Variants in CDH4 observed in about 807,000 individuals in gnomAD.
CDH4 encodes the protein cadherin-4.
Under a neutral mutation model 86.0 loss-of-function variants are expected in CDH4, and 33 were observed. The ratio of observed to expected loss-of-function variants is 0.38; its 90% CI spans 0.29 to 0.51. The LOEUF (loss-of-function observed/expected upper bound fraction) is 0.51, where lower values mean the gene tolerates loss of function less well. CDH4 is among the 20% of genes least tolerant of loss of function. The pLI is 0.86. For synonymous variants in CDH4, 555 were observed against 549.4 expected, an observed-to-expected ratio of 1.01 and a Z score of -0.14; for missense variants, 1,114 against 1,307.4, an observed-to-expected ratio of 0.85 and a Z score of 2.28.
rs1368486995 is a variant in CDH4 at position 61,508,757 on chromosome 20, T to C, written c.170-234806T>C. Among the ~76,000 whole-genome samples, 3 of 152,242 alleles carry C rather than the reference T, an allele frequency of 2.0e-5. No individual in the cohort carries two copies. In the East Asian group the frequency reaches 5.8e-4, roughly 29 times the overall value. On this transcript the variant is annotated intron_variant, in intron 2 of 15. Transcript: ENST00000614565. ...GGTGGCCACCGGGATTTGAGCAGTTTCTTCAGCTGCTCTTGAGCAGCACAG... is the reference window on the plus strand; with the variant it reads ...GGTGGCCACCGGGATTTGAGCAGTTCCTTCAGCTGCTCTTGAGCAGCACAG...
At position 61,544,058 on chromosome 20, in the gene CDH4, C is replaced by G. The variant is rs1033043017; in HGVS notation, c.170-199505C>G. Among the ~76,000 whole-genome samples, 6 of 152,128 alleles carry G rather than the reference C, an allele frequency of 3.9e-5. No individual in the cohort carries two copies. Among genetic ancestry groups the G allele is most frequent in the African/African-American group, 1.4e-4 (6 of 41,426 alleles). ...CCCACACCCCCGGCCCCACACCTGGCTCTTGGCACTAAGGTCCTTGGAGGC... is the reference window on the plus strand; with the variant it reads ...CCCACACCCCCGGCCCCACACCTGGGTCTTGGCACTAAGGTCCTTGGAGGC... On this transcript the variant is annotated intron_variant, in intron 2 of 15. Coordinates refer to ENST00000614565, the MANE Select transcript of CDH4 (RefSeq NM_001794.5). The surrounding 1 kb of genome is among the most constrained non-coding windows in gnomAD (Gnocchi z 6.5).
intron 9 of CDH4, among the ~76,000 whole-genome samples, chr20:61,920,666 C>CTGCATGGAAGCGTGGTGTCGTGATGAT (rs2054968398): frequency 8.5e-6 from 1 of 117,000 alleles, no homozygotes; most frequent in East Asian, 2.6e-4. Context: ...GTCACAGTGA[C>CTGCATGGAAGCGTGGTGTCGTGATGAT]TGCATGGAAG....
chr20:61,437,430 T>C (rs1214578514), intron 2 of CDH4: 2 of 152,224 alleles, frequency 1.3e-5, no homozygotes, highest in Non-Finnish European at 2.9e-5. Context: ...AAAAACGCGG[T>C]GACTAGCCAA....
At chr20:61,423,763 C>T (rs140611477) in intron 2 of CDH4, among the ~76,000 whole-genome samples, 2 of 152,142 alleles carry the variant, frequency 1.3e-5, no homozygotes, top group Non-Finnish European at 2.9e-5. Context: ...TAATGAAAGG[C>T]GTCTTGCCTC....
intron 2 of CDH4, among the ~76,000 whole-genome samples, chr20:61,485,376 C>T (rs1280690150): frequency 6.6e-6 from 1 of 152,180 alleles, no homozygotes; most frequent in African/African-American, 2.4e-5. Context: ...GAAAGCATCC[C>T]TGCGGAGGAG....
chr20:61,879,842 G>A lies in CDH4; in HGVS notation c.1050+5942G>A, dbSNP rs1296753599. On this transcript the variant is annotated intron_variant, in intron 7 of 15. Transcript: ENST00000614565. The surrounding 1 kb of genome is among the most constrained non-coding windows in gnomAD (Gnocchi z 4.1). ...TCCCTTCCAGGCTGCTCCCGAGGAT[G>A]TTGATTTTGTTATTAGAAACTGAAT... Among the ~76,000 whole-genome samples the A allele has an allele frequency of 6.6e-6, 1 of 152,184 alleles. No homozygotes were observed. Among genetic ancestry groups the A allele is most frequent in the Non-Finnish European group, 1.5e-5 (1 of 68,042 alleles).
At chr20:61,263,043 T>C (rs6028083) in intron 2 of CDH4, among the ~76,000 whole-genome samples, 85,001 of 151,548 alleles carry the variant, frequency 0.56, 24,518 homozygotes, top group East Asian at 0.72. Context: ...TTTGAAGAAG[T>C]AATTTCTCCT....
At chr20:61,619,097 T>C (rs965620059) in intron 2 of CDH4, among the ~76,000 whole-genome samples, 11 of 152,186 alleles carry the variant, frequency 7.2e-5, no homozygotes, top group Admixed American at 2.0e-4. Context: ...CCAGCTGCAG[T>C]TGCACACCTA....
In CDH4 at chr20:61,296,143, G is replaced by A. The variant is rs117186249; in HGVS notation, c.169+41206G>A. Among the ~76,000 whole-genome samples, 50 of 152,254 alleles carry A rather than the reference G, an allele frequency of 3.3e-4. 1 individual carries two copies. The East Asian group carries it at 7.0e-3, about 21-fold the overall frequency. ...GATGATCCACACCACATCAAGGGTT[G>A]GATGTGCTGGAACTTTAGAGTTGTC... On this transcript the variant is annotated intron_variant, in intron 2 of 15. Transcript: ENST00000614565.
intron 2 of CDH4, among the ~76,000 whole-genome samples, chr20:61,391,287 G>A (rs1024877132): frequency 6.6e-6 from 1 of 152,158 alleles, no homozygotes; most frequent in Non-Finnish European, 1.5e-5. Context: ...GTATTGAGGG[G>A]CCTGGAAGCC....
chr20:61,585,728 TGTG>T (rs1346784640), intron 2 of CDH4, among the ~76,000 whole-genome samples: 10 of 27,240 alleles, frequency 3.7e-4, no homozygotes, highest in South Asian at 2.2e-3. Flanking sequence ...ATGATGGTGA[TGTG>T]GTGATGGGGA....
intron 2 of CDH4, among the ~76,000 whole-genome samples, chr20:61,385,720 A>C (rs1005008932): frequency 6.6e-6 from 1 of 152,110 alleles, no homozygotes; most frequent in Admixed American, 6.5e-5. Flanking sequence ...TCCCAGGCTC[A>C]GGATCGTCAC....
intron 2 of CDH4, among the ~76,000 whole-genome samples, chr20:61,490,296 C>T (rs939694620): frequency 6.6e-6 from 1 of 152,204 alleles, no homozygotes; most frequent in East Asian, 1.9e-4. Context: ...CTAGGGTGTG[C>T]AGCCACATGG....
intron 7 of CDH4, among the ~76,000 whole-genome samples, chr20:61,891,545 C>T (rs1740363): frequency 0.89 from 135,040 of 151,984 alleles, 60,561 homozygotes; most frequent in Non-Finnish European, 0.94. Flanking sequence ...CCTGCCCTTC[C>T]GAGAGGCCCC....
At chr20:61,914,066 GC>G (rs2054879644) in intron 9 of CDH4, among the ~76,000 whole-genome samples, 1 of 152,166 alleles carries the variant, frequency 6.6e-6, no homozygotes, top group Admixed American at 6.5e-5. Flanking sequence ...CACGTTCGTA[GC>G]TAAAATCTCC....
At chr20:61,601,479 G>A (rs1213831352) in intron 2 of CDH4, among the ~76,000 whole-genome samples, 2 of 152,152 alleles carry the variant, frequency 1.3e-5, no homozygotes, top group Non-Finnish European at 2.9e-5. Context: ...GGAGTCACCT[G>A]GGCAGCCTGC....
At chr20:61,741,279 A>T (rs1367236719) in intron 2 of CDH4, among the ~76,000 whole-genome samples, 1 of 152,150 alleles carries the variant, frequency 6.6e-6, no homozygotes, top group Non-Finnish European at 1.5e-5. Context: ...CCCGGGCATC[A>T]CTTCCCCAAG....
In CDH4 at chr20:61,282,132, G is replaced by A. The variant is rs192211654; in HGVS notation, c.169+27195G>A. ...CCAGCACTTTGGGAGGCTGAGGTGGGTGGATCATTTGAGGTCAGGAGTTCG... is the reference window on the plus strand; with the variant it reads ...CCAGCACTTTGGGAGGCTGAGGTGGATGGATCATTTGAGGTCAGGAGTTCG... On this transcript the variant is annotated intron_variant, in intron 2 of 15. Transcript: ENST00000614565. Among the ~76,000 whole-genome samples, 330 of 152,332 alleles carry A rather than the reference G, an allele frequency of 2.2e-3. 1 individual carries two copies. Among genetic ancestry groups the A allele is most frequent in the African/African-American group, 7.5e-3 (311 of 41,578 alleles).
intron 2 of CDH4, among the ~76,000 whole-genome samples, chr20:61,376,273 A>C (rs1054607877): frequency 1.5e-4 from 23 of 151,648 alleles, no homozygotes; most frequent in African/African-American, 5.3e-4. Flanking sequence ...CTTTGAAAGG[A>C]GCATAGGACC....
Sources: allele counts gnomAD v4.1 joint callset (sites outside exome capture counted in the v4.1 genomes callset), GRCh38; gene constraint gnomAD v4.1.1; non-coding constraint Gnocchi (gnomAD v3.1); transcripts MANE v1.5; gene names NCBI Gene and HGNC (gene_info 2026-07-23, HGNC 2026-07-21).